Variants in HOOK1 observed in about 807,000 individuals in gnomAD.
HOOK1 encodes the protein hook microtubule tethering protein 1, also known as protein Hook homolog 1.
In HOOK1, 60 loss-of-function variants were observed where a neutral mutation model predicts 112.8. That is an observed-to-expected ratio of 0.53 (90% CI 0.43 to 0.66). HOOK1 has a LOEUF of 0.66. Among genes scored for constraint, HOOK1 ranks in the 30% least tolerant of loss-of-function variants. The probability of loss-of-function intolerance (pLI) is 0.00; values close to 1 mark genes in which losing one functional copy is unlikely to be tolerated. For synonymous variants in HOOK1, 294 were observed against 283.8 expected (o/e 1.04, Z -0.36); for missense variants, 770 against 856.0 (o/e 0.90, Z 1.25).
Position 59,815,022 on chromosome 1 carries a change from C to G in HOOK1, c.-96C>G. The G allele has an allele frequency of 7.7e-7, 1 of 1,306,520 alleles. No individual in the cohort carries two copies. The highest frequency in any genetic ancestry group is 2.5e-5 in the East Asian group (1 of 39,738). The allele number at this position is 1,306,520 out of a possible 1,614,324, so 80.9% of individuals were successfully genotyped here. On this transcript the variant is annotated 5_prime_UTR_variant, in exon 1 of 22. Coordinates refer to ENST00000371208, the MANE Select transcript of HOOK1 (RefSeq NM_015888.6). ...GGGTCGGGCCTGGTACCGAGCTTTC[C>G]TGGGGGCTAGCAGGTCGTGGACGCC... is the stretch of plus-strand genomic sequence containing the variant.
At chr1:59,857,460 C>T (rs926108461) in intron 12 of HOOK1, among the ~76,000 whole-genome samples, 13 of 152,206 alleles carry the variant, frequency 8.5e-5, no homozygotes, top group Non-Finnish European at 1.8e-4. Context: ...TGGTTTATTC[C>T]CAGAATTCTG....
chr1:59,832,424 A>G (rs370302956), intron 4 of HOOK1, among the ~76,000 whole-genome samples: 7 of 151,982 alleles, frequency 4.6e-5, no homozygotes, highest in African/African-American at 1.7e-4. Flanking sequence ...AGGTATTGAT[A>G]CTCTCCGAAT....
chr1:59,855,959 T>TAAAAAAAAA (rs1559057957), intron 12 of HOOK1, among the ~76,000 whole-genome samples: 3 of 84,246 alleles, frequency 3.6e-5, no homozygotes, highest in African/African-American at 1.1e-4. Context: ...TATATATATA[T>TAAAAAAAAA]AAATTATTAT....
chr1:59,856,991 C>T (rs182731510), intron 12 of HOOK1, among the ~76,000 whole-genome samples: 245 of 152,272 alleles, frequency 1.6e-3, no homozygotes, highest in African/African-American at 5.5e-3. Context: ...TCTTATTTCT[C>T]AGATCTTTCT....
rs115930636 is a variant in HOOK1 at position 59,866,836 on chromosome 1, A to G, written c.1845+864A>G. 4.0e-3 allele frequency among the ~76,000 whole-genome samples: 602 copies of G among 152,250 alleles called. 6 individuals carry two copies. Among genetic ancestry groups the G allele is most frequent in the African/African-American group, 0.014 (578 of 41,536 alleles). On this transcript the variant is annotated intron_variant, in intron 19 of 21. Transcript: ENST00000371208. ...CTACTATTGGAAATAATCTGTATTC[A>G]TTTCCTTTTCCTTTTTTGCTCCTAT... is the stretch of plus-strand genomic sequence containing the variant.
rs1358587507 is a variant in HOOK1, at chr1:59,843,465, G to A, written c.655G>A (p.Val219Ile). ...TTLQDEKNSL[V>I]SENEMMNEKL... The stretch of plus-strand genomic sequence containing the variant: ...ACTTCAAGATGAAAAGAATTCACTG[G>A]TTTCTGAAAATGAGATGATGAATGA... The change falls in exon 9 of 22, where the codon GTT (valine) becomes ATT (isoleucine). Residue 219 changes from valine (V) to isoleucine (I), a missense_variant. By Grantham distance (29) the Val-to-Ile change is conservative. Around this residue, in one of 3 missense-constraint regions of HOOK1, gnomAD observed 655 missense variants for 725.9 expected, o/e 0.90. Coordinates refer to ENST00000371208, the MANE Select transcript of HOOK1 (RefSeq NM_015888.6). The A allele has an allele frequency of 6.2e-7, 1 of 1,610,146 alleles. No homozygotes were observed. Among genetic ancestry groups the A allele is most frequent in the Non-Finnish European group, 8.5e-7 (1 of 1,178,224 alleles).
chr1:59,867,390 C>T (rs1446666879), intron 19 of HOOK1, among the ~76,000 whole-genome samples: 1 of 152,124 alleles, frequency 6.6e-6, no homozygotes, highest in Non-Finnish European at 1.5e-5. Context: ...ACAGTTGTCA[C>T]TCAATAAATG....
intron 1 of HOOK1, 96 bp downstream of exon 1, chr1:59,815,276 C>T (rs1018023281): frequency 3.3e-6 from 4 of 1,200,036 alleles, no homozygotes; most frequent in Non-Finnish European, 3.5e-6. Context: ...GCTACCTGCA[C>T]AGGGTCCCGG....
chr1:59,833,367 G>A (rs542543055), intron 4 of HOOK1, 38 bp from the exon 5 acceptor site: 8 of 1,393,698 alleles, frequency 5.7e-6, no homozygotes, highest in South Asian at 3.8e-5. Context: ...CTTTGCAGCC[G>A]ACATAAATGA....
At chr1:59,869,153 C>T (rs1644015086) in intron 20 of HOOK1, among the ~76,000 whole-genome samples, 1 of 151,880 alleles carries the variant, frequency 6.6e-6, no homozygotes, top group South Asian at 2.1e-4. Flanking sequence ...TTGAATTCTA[C>T]ATACTGGCCT....
At chr1:59,872,251 A>G (rs1644066296) in intron 21 of HOOK1, among the ~76,000 whole-genome samples, 1 of 152,220 alleles carries the variant, frequency 6.6e-6, no homozygotes, top group African/African-American at 2.4e-5. Context: ...CAATATTGAG[A>G]TAGACTATAG....
chr1:59,828,959 T>G, intron 3 of HOOK1, 107 bp downstream of exon 3: 2 of 820,716 alleles, frequency 2.4e-6, no homozygotes, highest in Non-Finnish European at 3.9e-6. Context: ...CTTTTTGTTG[T>G]GTATAGTTTG....
chr1:59,871,172 C>A, intron 21 of HOOK1, 62 bp downstream of exon 21: 5 of 1,017,386 alleles, frequency 4.9e-6, no homozygotes, highest in South Asian at 1.4e-5. Context: ...TTTTTTTGAC[C>A]AAGTACAACA....
At chr1:59,834,698 A>G (rs552822719) in intron 5 of HOOK1, among the ~76,000 whole-genome samples, 4 of 152,126 alleles carry the variant, frequency 2.6e-5, no homozygotes, top group East Asian at 1.9e-4. Context: ...TCATTGATTA[A>G]TGCTTTGTTA....
intron 8 of HOOK1, among the ~76,000 whole-genome samples, chr1:59,841,104 A>C (rs1453417872): frequency 6.6e-6 from 1 of 152,170 alleles, no homozygotes; most frequent in East Asian, 1.9e-4. Context: ...GTTCATATAT[A>C]TAGCACTTAG....
chr1:59,871,018 A>G (rs961814441), intron 20 of HOOK1, 24 bp from the exon 21 acceptor site: 2 of 1,484,600 alleles, frequency 1.3e-6, no homozygotes, highest in African/African-American at 2.8e-5. Context: ...TGGGATTTTA[A>G]TTGTTCTCAT....
At chr1:59,848,612 G>A (rs958454610) in intron 11 of HOOK1, 96 bp downstream of exon 11, 14 of 798,650 alleles carry the variant, frequency 1.8e-5, no homozygotes, top group South Asian at 3.6e-5. Flanking sequence ...ATTGAGAAGC[G>A]TTGCATGTAA....
chr1:59,831,044 G>T (rs1464707631), intron 3 of HOOK1, among the ~76,000 whole-genome samples: 3 of 151,946 alleles, frequency 2.0e-5, no homozygotes, highest in African/African-American at 7.3e-5. Flanking sequence ...GGGATTACAG[G>T]TGCCCACCAC....
At chr1:59,850,764 G>A (rs2098406728) in intron 12 of HOOK1, among the ~76,000 whole-genome samples, 1 of 151,448 alleles carries the variant, frequency 6.6e-6, no homozygotes, top group Admixed American at 6.6e-5. Context: ...ATGGACTTTA[G>A]TTAATAACAG....
Sources: gnomAD v4.1 joint callset for allele counts (sites outside exome capture counted in the v4.1 genomes callset) on GRCh38, gnomAD v4.1.1 for gene constraint, gnomAD v4.1.1 regional missense constraint, MANE v1.5 for transcripts, NCBI Gene and HGNC (gene_info 2026-07-23, HGNC 2026-07-21) for gene names.